Variants in TNRC18 observed in about 807,000 individuals in gnomAD.
TNRC18 encodes trinucleotide repeat containing 18.
TNRC18 carries 69 observed loss-of-function variants against 226.7 expected under a neutral mutation model. The ratio of observed to expected loss-of-function variants is 0.30; its 90% CI spans 0.25 to 0.37. TNRC18 has a LOEUF of 0.37. Ranked by LOEUF, TNRC18 falls within the 10% of genes least tolerant of loss-of-function variation. The probability of loss-of-function intolerance (pLI) is 1.00; values close to 1 mark genes in which losing one functional copy is unlikely to be tolerated. For synonymous variants in TNRC18, 2,449 were observed against 1,927.6 expected, an observed-to-expected ratio of 1.27 and a Z score of -7.09; for missense variants, 4,754 against 4,256.6, an observed-to-expected ratio of 1.12 and a Z score of -3.25.
intron 22 of TNRC18, 158 bp from the exon 23 acceptor site, chr7:5,320,765 G>C: frequency 4.4e-6 from 3 of 680,388 alleles, no homozygotes; most frequent in South Asian, 3.8e-5. Context: ...CCCCTTTTCT[G>C]GGTTCATTTT....
chr7:5,403,862 A>T (rs1367940077), intron 2 of TNRC18, among the ~76,000 whole-genome samples: 1 of 152,144 alleles, frequency 6.6e-6, no homozygotes, highest in Non-Finnish European at 1.5e-5. Context: ...ACTCAGTCAA[A>T]CCAGAATTGT....
At position 5,312,812 on chromosome 7, in the gene TNRC18, A is replaced by G; in HGVS notation, c.8079T>C (p.Pro2693=). The part of the protein sequence containing the change: ...DEAAPAPTAG[P]SAQAALPTKA... Reference sequence around the variant, plus strand: ...TGGTGGGGAGCGCCGCCTGCGCGGAAGGGCCAGCCGTGGGGGCGGGGGCTG... The same window carrying G: ...TGGTGGGGAGCGCCGCCTGCGCGGAGGGGCCAGCCGTGGGGGCGGGGGCTG... The change falls in exon 27 of 30, where the codon CCT becomes CCC. Residue 2693 remains proline, a synonymous_variant. Coordinates refer to ENST00000430969, the MANE Select transcript of TNRC18 (RefSeq NM_001080495.3). This position sits in a 1 kb window ranked among gnomAD's most constrained non-coding sequence, Gnocchi z 6.3. The G allele has an allele frequency of 6.5e-7, 1 of 1,533,008 alleles. No homozygotes were observed. The highest frequency in any genetic ancestry group is 1.4e-5 in the African/African-American group (1 of 72,710). 95.0% of individuals were successfully genotyped at this position (1,533,008 alleles called of 1,614,324 possible). A position where few individuals can be genotyped will look rare whatever the true frequency, so the allele number is the denominator to read the frequency against.
In TNRC18 at chr7:5,332,672, T is replaced by C. The variant is rs544435950; in HGVS notation, c.6097A>G (p.Ser2033Gly). The change falls in exon 19 of 30, where the codon AGC becomes GGC. Residue 2033 changes from serine to glycine, a missense_variant. By Grantham distance (56) the Ser-to-Gly change is moderately conservative. Transcript: ENST00000430969. ...TSRCAKGGPL[S>G]PRKDAGRAKD... The stretch of plus-strand genomic sequence containing the variant: ...GCACGCCCGGCGTCCTTGCGCGGGC[T>C]CAGGGGGCCGCCCTTGGCGCAGCGG... 941 of 1,530,396 alleles carry C rather than the reference T, an allele frequency of 6.1e-4. 16 individuals are homozygous for C. The South Asian group carries it at 0.011, about 18-fold the overall frequency. 94.8% of individuals were successfully genotyped at this position (1,530,396 alleles called of 1,614,324 possible).
intron 24 of TNRC18, among the ~76,000 whole-genome samples, chr7:5,319,418 A>G (rs1788134887): frequency 1.3e-5 from 2 of 152,192 alleles, no homozygotes; most frequent in Non-Finnish European, 2.9e-5. Flanking sequence ...GCAAAAGCTA[A>G]GGGTTGGACC....
In TNRC18 at chr7:5,363,535, C is replaced by T. The variant is rs1269419191; in HGVS notation, c.4220-710G>A. ...AGGAGAATGGCGAGAACCTGGGAGG[C>T]GGAGCTTGCAGTAAGCCGAGATGGC... is the stretch of plus-strand genomic sequence containing the variant. On this transcript the variant is annotated intron_variant, in intron 11 of 29. Coordinates refer to ENST00000430969, the MANE Select transcript of TNRC18 (RefSeq NM_001080495.3). 4.6e-5 allele frequency among the ~76,000 whole-genome samples: 7 copies of T among 152,054 alleles called. No homozygotes were observed. In the East Asian group the frequency reaches 7.7e-4, roughly 17 times the overall value.
chr7:5,337,569 C>T (rs1184805766), intron 18 of TNRC18, among the ~76,000 whole-genome samples: 1 of 151,666 alleles, frequency 6.6e-6, no homozygotes, highest in African/African-American at 2.4e-5. Flanking sequence ...GCTGAAACTG[C>T]AGGAAAACTG....
chr7:5,339,815 C>T (rs1010566719), intron 18 of TNRC18, among the ~76,000 whole-genome samples: 2 of 151,596 alleles, frequency 1.3e-5, no homozygotes, highest in Admixed American at 1.3e-4. Context: ...AGTGATCCGC[C>T]CACCTCGGCC....
chr7:5,307,719 GC>G lies in TNRC18; in HGVS notation c.*386del, dbSNP rs1382783166. 3.0e-6 allele frequency: 1 copy of G among 335,260 alleles called. No homozygotes were observed. The highest frequency in any genetic ancestry group is 5.9e-6 in the Non-Finnish European group (1 of 170,368). 20.8% of individuals were successfully genotyped at this position (335,260 alleles called of 1,614,324 possible). On this transcript the variant is annotated 3_prime_UTR_variant, in exon 30 of 30. Coordinates refer to ENST00000430969, the MANE Select transcript of TNRC18 (RefSeq NM_001080495.3). ...AGCGTCAGTTTGGTTCCTTAGAAGC[GC>G]CCCTCCCCACCGAATCCCCAGTCTG...
chr7:5,317,156 G>A (rs1028159303), intron 24 of TNRC18, among the ~76,000 whole-genome samples: 6 of 152,130 alleles, frequency 3.9e-5, no homozygotes, highest in African/African-American at 1.4e-4. Context: ...AAACACTCAT[G>A]AGTGCACAGA....
chr7:5,388,960 G>T lies in TNRC18; in HGVS notation c.864C>A (p.Ala288=). The T allele has an allele frequency of 7.2e-7, 1 of 1,386,244 alleles. No homozygotes were observed. The highest frequency in any genetic ancestry group is 9.4e-7 in the Non-Finnish European group (1 of 1,064,752). The allele number at this position is 1,386,244 out of a possible 1,614,324, so 85.9% of individuals were successfully genotyped here. A position where few individuals can be genotyped will look rare whatever the true frequency, so the allele number is the denominator to read the frequency against. ...PSVLTMCNGG[A]GDVGLPALVA... Reference sequence around the variant, plus strand: ...CCAGCGCGGGCAGCCCCACGTCCCCGGCGCCGCCGTTGCACATGGTCAGTA... The same window carrying T: ...CCAGCGCGGGCAGCCCCACGTCCCCTGCGCCGCCGTTGCACATGGTCAGTA... Residue 288 remains alanine (A), a synonymous_variant, in exon 5 of 30, where the codon GCC becomes GCA. Coordinates refer to ENST00000430969, the MANE Select transcript of TNRC18 (RefSeq NM_001080495.3).
At chr7:5,397,092 C>G (rs1780742769) in intron 2 of TNRC18, among the ~76,000 whole-genome samples, 1 of 152,178 alleles carries the variant, frequency 6.6e-6, no homozygotes, top group African/African-American at 2.4e-5. Flanking sequence ...GCCCCCAACA[C>G]TCCAGTCCAG....
At chr7:5,379,927 C>T (rs1779282443) in intron 5 of TNRC18, among the ~76,000 whole-genome samples, 1 of 152,214 alleles carries the variant, frequency 6.6e-6, no homozygotes, top group Non-Finnish European at 1.5e-5. Flanking sequence ...GGCCATCAGC[C>T]ACCCCCAAGG....
Position 5,422,481 on chromosome 7 carries a change from G to GT in TNRC18, c.-244+959dup, listed in dbSNP as rs559542897. On this transcript the variant is annotated intron_variant, in intron 1 of 29. Coordinates refer to ENST00000430969, the MANE Select transcript of TNRC18 (RefSeq NM_001080495.3). ...AAAGATTTGTCCTTTGCCGATTCTC[G>GT]TGAGGATGGGAGGGGGTCTTGGAGC... 2.0e-3 allele frequency among the ~76,000 whole-genome samples: 304 copies of GT among 152,272 alleles called. 3 individuals carry two copies. The highest frequency in any genetic ancestry group is 0.014 in the Middle Eastern group (4 of 294).
At chr7:5,366,344 T>TTTTTTTA in intron 11 of TNRC18, among the ~76,000 whole-genome samples, 1 of 145,062 alleles carries the variant, frequency 6.9e-6, no homozygotes, top group Non-Finnish European at 1.5e-5. Context: ...TTTTTTTTTT[T>TTTTTTTA]GTGAGACAGA....
At chr7:5,421,845 T>G (rs1414901445) in intron 1 of TNRC18, among the ~76,000 whole-genome samples, 2 of 152,236 alleles carry the variant, frequency 1.3e-5, no homozygotes, top group African/African-American at 2.4e-5. Flanking sequence ...ATTTTATTCC[T>G]AGGCGTCAAA....
chr7:5,354,090 C>G (rs1463196799), intron 16 of TNRC18, among the ~76,000 whole-genome samples: 1 of 152,082 alleles, frequency 6.6e-6, no homozygotes, highest in African/African-American at 2.4e-5. Context: ...GTAACCCCAG[C>G]TACTCAGGAG....
intron 2 of TNRC18, among the ~76,000 whole-genome samples, chr7:5,414,930 T>C (rs1350686055): frequency 6.6e-6 from 1 of 152,234 alleles, no homozygotes; most frequent in Non-Finnish European, 1.5e-5. Context: ...AGCAGTTGCA[T>C]TTTTCCAGTC....
chr7:5,317,191 C>G lies in TNRC18; in HGVS notation c.6746-1119G>C, dbSNP rs190087535. Among the ~76,000 whole-genome samples, 292 of 152,136 alleles carry G rather than the reference C, an allele frequency of 1.9e-3. 2 individuals are homozygous for G. Among genetic ancestry groups the G allele is most frequent in the African/African-American group, 6.9e-3 (286 of 41,510 alleles). On this transcript the variant is annotated intron_variant, in intron 24 of 29. Transcript: ENST00000430969. ...AGCTCCCATCGGCTTGATAAGGTTC[C>G]CTTCATTCAGGGTCCCCAGACGCCT...
At chr7:5,399,011 A>G (rs1027476503) in intron 2 of TNRC18, among the ~76,000 whole-genome samples, 2 of 152,160 alleles carry the variant, frequency 1.3e-5, no homozygotes, top group Non-Finnish European at 2.9e-5. Flanking sequence ...GCAACTCACA[A>G]AAGAGGCTCT....
Sources: gnomAD v4.1 joint callset for allele counts (sites outside exome capture counted in the v4.1 genomes callset) on GRCh38, gnomAD v4.1.1 for gene constraint, Gnocchi (gnomAD v3.1) non-coding constraint, MANE v1.5 for transcripts, NCBI Gene and HGNC (gene_info 2026-07-23, HGNC 2026-07-21) for gene names.